The following PACRG variants were observed in gnomAD, a reference collection of about 807,000 sequenced individuals.
The protein encoded by PACRG is parkin coregulated gene protein.
PACRG carries 29 observed loss-of-function variants against 29.7 expected under a neutral mutation model. The observed-to-expected ratio is 0.98, with a 90% CI of 0.73 to 1.33. The LOEUF (loss-of-function observed/expected upper bound fraction) is 1.33, where lower values mean the gene tolerates loss of function less well. Ranked by LOEUF, PACRG falls within the 40% of genes most tolerant of loss-of-function variation. PACRG has a pLI of 0.00. For synonymous variants in PACRG, 116 were observed against 118.7 expected (o/e 0.98, Z 0.15); for missense variants, 279 against 316.2 (o/e 0.88, Z 0.89).
chr6:162,888,633 G>A (rs1385997192), intron 2 of PACRG, among the ~76,000 whole-genome samples: 2 of 152,142 alleles, frequency 1.3e-5, no homozygotes, highest in Non-Finnish European at 2.9e-5. Flanking sequence ...CAGGAAAGGT[G>A]GAGAGAAAAG....
At chr6:163,150,988 T>C (rs891944815) in intron 4 of PACRG, among the ~76,000 whole-genome samples, 1 of 152,208 alleles carries the variant, frequency 6.6e-6, no homozygotes, top group African/African-American at 2.4e-5. Flanking sequence ...AATCTCTTAC[T>C]TAAGATTGAA....
chr6:163,110,597 A>G (rs968732814), intron 4 of PACRG, among the ~76,000 whole-genome samples: 2 of 152,164 alleles, frequency 1.3e-5, no homozygotes, highest in Non-Finnish European at 1.5e-5. Flanking sequence ...CAGTGGTCAC[A>G]TTGCTGTCTT....
intron 3 of PACRG, among the ~76,000 whole-genome samples, chr6:163,081,867 T>A (rs777988048): frequency 6.6e-6 from 1 of 152,172 alleles, no homozygotes; most frequent in Non-Finnish European, 1.5e-5. Context: ...CTAACATGCC[T>A]GCTCTCAGCA....
intron 1 of PACRG, among the ~76,000 whole-genome samples, chr6:162,764,119 C>T (rs959293211): frequency 6.6e-6 from 1 of 151,974 alleles, no homozygotes; most frequent in South Asian, 2.1e-4. Flanking sequence ...ACTAAAAATA[C>T]AAAAAATTAG....
chr6:163,082,273 T>C (rs1245425692), intron 3 of PACRG, among the ~76,000 whole-genome samples: 7 of 152,190 alleles, frequency 4.6e-5, no homozygotes, highest in Admixed American at 3.3e-4. Context: ...AGACATATCA[T>C]GTTCCTAATG....
chr6:163,236,710 A>G (rs1385845124), intron 4 of PACRG, among the ~76,000 whole-genome samples: 1 of 152,322 alleles, frequency 6.6e-6, no homozygotes, highest in East Asian at 1.9e-4. Flanking sequence ...TTAGTGGGGC[A>G]TTGAATGGTT....
At chr6:163,100,530 C>T (rs1408380069) in intron 4 of PACRG, among the ~76,000 whole-genome samples, 1 of 152,192 alleles carries the variant, frequency 6.6e-6, no homozygotes, top group African/African-American at 2.4e-5. Flanking sequence ...CGCTGTCCCC[C>T]CAGCGCGTGG....
intron 4 of PACRG, among the ~76,000 whole-genome samples, chr6:163,158,703 T>C (rs1778424754): frequency 6.6e-6 from 1 of 152,338 alleles, no homozygotes; most frequent in Non-Finnish European, 1.5e-5. Context: ...GATATAAATA[T>C]GCAATCTTGA....
rs1203460858 is a variant in PACRG, at chr6:162,747,390, GTATATATATATGTATA to G, written c.156+19010_156+19025del. Among the ~76,000 whole-genome samples the G allele has an allele frequency of 5.0e-3, 219 of 44,228 alleles. 11 individuals carry two copies. Among genetic ancestry groups the G allele is most frequent in the African/African-American group, 0.016 (210 of 12,784 alleles). The allele number at this position is 44,228 out of a possible 152,430, so 29.0% of individuals were successfully genotyped here. On this transcript the variant is annotated intron_variant, in intron 1 of 4. Coordinates refer to ENST00000366888, the MANE Select transcript of PACRG (RefSeq NM_001080379.2). ...CACATACATATATATGTATATATATGTATATATATATGTATATATATATATAACTATAAATATATAT... is the reference window on the plus strand; with the variant it reads ...CACATACATATATATGTATATATATGTATATATATAACTATAAATATATAT...
intron 4 of PACRG, among the ~76,000 whole-genome samples, chr6:163,171,510 G>C (rs1056411312): frequency 6.6e-6 from 1 of 152,212 alleles, no homozygotes; most frequent in Non-Finnish European, 1.5e-5. Flanking sequence ...ATTTGCCCAT[G>C]ACCACACAAC....
At chr6:162,849,602 CTG>C (rs982520761) in intron 2 of PACRG, among the ~76,000 whole-genome samples, 12 of 152,208 alleles carry the variant, frequency 7.9e-5, no homozygotes, top group African/African-American at 2.9e-4. Context: ...TAGTTCCTGT[CTG>C]TATCCATTTT....
chr6:162,810,408 A>G (rs1786751578), intron 1 of PACRG, among the ~76,000 whole-genome samples: 1 of 152,240 alleles, frequency 6.6e-6, no homozygotes, highest in South Asian at 2.1e-4. Context: ...ATCAGTAATG[A>G]CACCAAGAAT....
chr6:162,939,158 G>A (rs1390310675), intron 2 of PACRG, among the ~76,000 whole-genome samples: 1 of 152,116 alleles, frequency 6.6e-6, no homozygotes, highest in East Asian at 1.9e-4. Context: ...GCATAAAGTG[G>A]GGAAAGGACT....
chr6:163,191,987 T>C (rs1289765662), intron 4 of PACRG: 1 of 294,182 alleles, frequency 3.4e-6, no homozygotes, highest in African/African-American at 2.2e-5. Flanking sequence ...GGGGCAGTTG[T>C]TGTTGAATTG....
At chr6:163,167,262 T>G (rs944941045) in intron 4 of PACRG, among the ~76,000 whole-genome samples, 2 of 152,256 alleles carry the variant, frequency 1.3e-5, no homozygotes, top group Non-Finnish European at 2.9e-5. Context: ...TATAGAATTT[T>G]TATTTCCTAT....
chr6:163,185,860 T>A (rs1779894043), intron 4 of PACRG, among the ~76,000 whole-genome samples: 1 of 152,076 alleles, frequency 6.6e-6, no homozygotes, highest in Non-Finnish European at 1.5e-5. Flanking sequence ...ATCGGGAGAA[T>A]TTTGCTGCAT....
At chr6:162,788,069 A>C (rs1330615392) in intron 1 of PACRG, among the ~76,000 whole-genome samples, 1 of 152,104 alleles carries the variant, frequency 6.6e-6, no homozygotes, top group Non-Finnish European at 1.5e-5. Context: ...TCATTCTTGA[A>C]TAGTCTGAGT....
chr6:163,028,809 T>C (rs1807385475), intron 2 of PACRG, among the ~76,000 whole-genome samples: 1 of 152,252 alleles, frequency 6.6e-6, no homozygotes, highest in Non-Finnish European at 1.5e-5. Flanking sequence ...GTCTTGCTTT[T>C]GAAGTAATAT....
chr6:163,159,891 A>C (rs1585278668), intron 4 of PACRG, among the ~76,000 whole-genome samples: 1 of 150,850 alleles, frequency 6.6e-6, no homozygotes, highest in South Asian at 2.1e-4. Context: ...TTCCGCCTCC[A>C]CCCCCGTGAC....
Sources: gnomAD v4.1 joint callset for allele counts (sites outside exome capture counted in the v4.1 genomes callset) on GRCh38, gnomAD v4.1.1 for gene constraint, MANE v1.5 for transcripts, NCBI Gene and HGNC (gene_info 2026-07-23, HGNC 2026-07-21) for gene names.